The following XIAP variants were observed in gnomAD, a reference collection of about 807,000 sequenced individuals.
XIAP encodes X-linked inhibitor of apoptosis.
Under a neutral mutation model 33.1 loss-of-function variants are expected in XIAP, and 3 were observed. That is an observed-to-expected ratio of 0.09 (90% CI 0.04 to 0.23). The LOEUF (loss-of-function observed/expected upper bound fraction) is 0.23. Ranked by LOEUF, XIAP falls within the 10% of genes least tolerant of loss-of-function variation. The pLI is 1.00. For missense variants in XIAP, 264 were observed against 363.0 expected (o/e 0.73, Z 2.22); for synonymous variants, 98 against 121.3 (o/e 0.81, Z 1.26).
chrX:123,893,702 G>A (rs758190397), intron 5 of XIAP, among the ~76,000 whole-genome samples: 134 of 111,394 alleles, frequency 1.2e-3, no homozygotes, highest in African/African-American at 4.2e-3. Flanking sequence ...TTAGCCGGGC[G>A]TGATGGTGTG....
intron 1 of XIAP, among the ~76,000 whole-genome samples, chrX:123,863,917 A>T (rs183153615): frequency 1.7e-3 from 185 of 112,007 alleles, no homozygotes; most frequent in Non-Finnish European, 2.6e-3. Context: ...CTTGTACTAT[A>T]CCTGTAATTT....
At position 123,911,431 on chromosome X, in the gene XIAP, C is replaced by G. The variant is rs765967869; in HGVS notation, c.*4250C>G. On this transcript the variant is annotated 3_prime_UTR_variant, in exon 7 of 7. Coordinates refer to ENST00000371199, the MANE Select transcript of XIAP (RefSeq NM_001167.4). ...GGCGGAGGTTGTGGTGAGCGAAGAT[C>G]GTGCCATTGCACTCCAGCCTGGGCA... 3 of 291,035 alleles carry G rather than the reference C, an allele frequency of 1.0e-5. No homozygotes were observed. The highest frequency in any genetic ancestry group is 1.0e-4 in the South Asian group (3 of 30,025). 24.0% of individuals were successfully genotyped at this position (291,035 alleles called of 1,213,427 possible). A position where few individuals can be genotyped will look rare whatever the true frequency, so the allele number is the denominator to read the frequency against.
intron 4 of XIAP, among the ~76,000 whole-genome samples, chrX:123,891,823 TAAA>T (rs11325824): frequency 6.5e-5 from 5 of 76,467 alleles, no homozygotes; most frequent in Non-Finnish European, 4.8e-5. Flanking sequence ...CCCTATCTCT[TAAA>T]AAAAAAAAAA....
chrX:123,894,369 C>T (rs1003226074), intron 5 of XIAP, among the ~76,000 whole-genome samples: 1 of 112,566 alleles, frequency 8.9e-6, no homozygotes, highest in Admixed American at 9.5e-5. Flanking sequence ...GGGCAGATCT[C>T]ATTTTCAACT....
chrX:123,876,016 A>T lies in XIAP; in HGVS notation c.-32-9615A>T, dbSNP rs758197059. Among the ~76,000 whole-genome samples the T allele has an allele frequency of 7.2e-5, 8 of 111,439 alleles. No homozygotes were observed. The East Asian group carries it at 2.0e-3, about 28-fold the overall frequency. The stretch of plus-strand genomic sequence containing the variant: ...ATAGATTTATAAGTGTATTCATACT[A>T]CTTTTTTTGTTTTTTAAGACAGTGT... On this transcript the variant is annotated intron_variant, in intron 1 of 6. Coordinates refer to ENST00000371199, the MANE Select transcript of XIAP (RefSeq NM_001167.4).
chrX:123,892,027 T>A (rs780289791), intron 4 of XIAP, among the ~76,000 whole-genome samples: 1 of 111,142 alleles, frequency 9.0e-6, no homozygotes, highest in East Asian at 2.8e-4. Context: ...ATAAGTAGTT[T>A]TAAGTTTTTG....
chrX:123,890,639 CAA>C (rs35753586), intron 3 of XIAP, among the ~76,000 whole-genome samples: 4 of 58,255 alleles, frequency 6.9e-5, no homozygotes, highest in Admixed American at 2.3e-4. Flanking sequence ...GACACTGTCT[CAA>C]AAAAAAAAAA....
chrX:123,909,702 A>G lies in XIAP; in HGVS notation c.*2521A>G, dbSNP rs746553843. On this transcript the variant is annotated 3_prime_UTR_variant, in exon 7 of 7. Transcript: ENST00000371199. ...ACTTGTATGTTTAGAGTTAAGCAAGACTTTTTTTCTTCCTCTCCATGAGTT... is the reference window on the plus strand; with the variant it reads ...ACTTGTATGTTTAGAGTTAAGCAAGGCTTTTTTTCTTCCTCTCCATGAGTT... 147 of 327,363 alleles carry G rather than the reference A, an allele frequency of 4.5e-4. No homozygotes were observed. Among genetic ancestry groups the G allele is most frequent in the Non-Finnish European group, 6.5e-4 (111 of 169,690 alleles). The allele number at this position is 327,363 out of a possible 1,213,427, so 27.0% of individuals were successfully genotyped here.
At position 123,886,455 on chromosome X, in the gene XIAP, T is replaced by A; in HGVS notation, c.793T>A (p.Tyr265Asn). Residue 265 changes from tyrosine (Y) to asparagine (N), a missense_variant, in exon 2 of 7, where the codon TAT (tyrosine) becomes AAT (asparagine). Physicochemically the swap from Tyr to Asn is moderately radical, Grantham distance 143. Transcript: ENST00000371199. ...NLPRNPSMADYEARIFTFGTW... is the reference protein window; with the variant it reads ...NLPRNPSMADNEARIFTFGTW... ...TCCAAGAAATCCATCCATGGCAGAT[T>A]ATGAAGCACGGATCTTTACTTTTGG... 1 of 1,209,848 alleles carries A rather than the reference T, an allele frequency of 8.3e-7. No homozygotes were observed. The highest frequency in any genetic ancestry group is 1.7e-5 in the African/African-American group (1 of 57,821).
At chrX:123,895,372 A>G (rs1469740332) in intron 5 of XIAP, among the ~76,000 whole-genome samples, 1 of 112,195 alleles carries the variant, frequency 8.9e-6, no homozygotes, top group Non-Finnish European at 1.9e-5. Flanking sequence ...GCTTGTTTCT[A>G]CTTTTTGACT....
At position 123,912,707 on chromosome X, in the gene XIAP, AAC is replaced by A. The variant is rs1474009471; in HGVS notation, c.*5528_*5529del. 7.7e-5 allele frequency: 25 copies of A among 323,041 alleles called. No homozygotes were observed. Among genetic ancestry groups the A allele is most frequent in the African/African-American group, 6.5e-4 (24 of 36,950 alleles). The allele number at this position is 323,041 out of a possible 1,213,427, so 26.6% of individuals were successfully genotyped here. ...TACTGTTTTTTTTTTTTTTAATTTA[AAC>A]AGTCTCACTGTGTTGCCCAGGATGG... On this transcript the variant is annotated 3_prime_UTR_variant, in exon 7 of 7. Transcript: ENST00000371199.
chrX:123,902,572 A>G (rs889607358), intron 6 of XIAP, among the ~76,000 whole-genome samples: 8 of 112,084 alleles, frequency 7.1e-5, no homozygotes, highest in African/African-American at 2.6e-4. Context: ...TTTTTTGCCA[A>G]TGGCTGTGTA....
rs1159550560 is a variant in XIAP at position 123,912,275 on chromosome X, C to T, written c.*5094C>T. On this transcript the variant is annotated 3_prime_UTR_variant, in exon 7 of 7. Transcript: ENST00000371199. ...AATACAAAATAATACAAAGAAAAAG[C>T]CAAAATTGTCATACTGTTGTTAAGC... is the stretch of plus-strand genomic sequence containing the variant. 1 of 297,890 alleles carries T rather than the reference C, an allele frequency of 3.4e-6. No individual in the cohort carries two copies. Among genetic ancestry groups the T allele is most frequent in the South Asian group, 3.2e-5 (1 of 31,686 alleles). 24.5% of individuals were successfully genotyped at this position (297,890 alleles called of 1,213,427 possible). A position where few individuals can be genotyped will look rare whatever the true frequency, so the allele number is the denominator to read the frequency against.
In XIAP at chrX:123,910,942, TAAAAA is replaced by T; in HGVS notation, c.*3764_*3768del. ...GTTCTTTTTAGTCAAATCTACTTGT[TAAAAA>T]AAGGGTAGCAGTTTATTCATCTGTG... is the stretch of plus-strand genomic sequence containing the variant. On this transcript the variant is annotated 3_prime_UTR_variant, in exon 7 of 7. Coordinates refer to ENST00000371199, the MANE Select transcript of XIAP (RefSeq NM_001167.4). 1 of 328,151 alleles carries T rather than the reference TAAAAA, an allele frequency of 3.0e-6. No individual in the cohort carries two copies. The highest frequency in any genetic ancestry group is 5.9e-6 in the Non-Finnish European group (1 of 169,686). The allele number at this position is 328,151 out of a possible 1,213,427, so 27.0% of individuals were successfully genotyped here.
intron 1 of XIAP, 125 bp from the exon 2 acceptor site, chrX:123,885,506 A>C (rs1384500206): frequency 5.9e-6 from 3 of 504,529 alleles, no homozygotes; most frequent in Non-Finnish European, 9.6e-6. Flanking sequence ...TTAGAATTAG[A>C]ATGTTTCTTA....
At chrX:123,903,992 A>G (rs1400318901) in intron 6 of XIAP, among the ~76,000 whole-genome samples, 1 of 111,334 alleles carries the variant, frequency 9.0e-6, no homozygotes, top group Non-Finnish European at 1.9e-5. Context: ...TTCATTAAAC[A>G]ACTCCCCATT....
chrX:123,864,971 C>T (rs1470822819), intron 1 of XIAP, among the ~76,000 whole-genome samples: 2 of 97,502 alleles, frequency 2.1e-5, no homozygotes, highest in East Asian at 6.3e-4. Flanking sequence ...CGCGAGCCAT[C>T]ACACCAGGCC....
At chrX:123,876,888 C>T (rs758795183) in intron 1 of XIAP, among the ~76,000 whole-genome samples, 6 of 111,261 alleles carry the variant, frequency 5.4e-5, no homozygotes, top group African/African-American at 2.0e-4. Flanking sequence ...ATCTTTTAAT[C>T]TTGGTACATT....
At chrX:123,895,032 A>C (rs2053447647) in intron 5 of XIAP, among the ~76,000 whole-genome samples, 1 of 111,723 alleles carries the variant, frequency 9.0e-6, no homozygotes, top group Non-Finnish European at 1.9e-5. Context: ...CCTGCAGAGC[A>C]GGGCTACCCA....
Sources: allele counts gnomAD v4.1 joint callset (sites outside exome capture counted in the v4.1 genomes callset), GRCh38; gene constraint gnomAD v4.1.1; transcripts MANE v1.5; gene names NCBI Gene and HGNC (gene_info 2026-07-23, HGNC 2026-07-21).